Variants in GRXCR1 observed in about 807,000 individuals in gnomAD.
GRXCR1 encodes the protein glutaredoxin and cysteine rich domain containing 1.
Under a neutral mutation model 27.3 loss-of-function variants are expected in GRXCR1, and 27 were observed. The observed-to-expected ratio is 0.99, with a 90% CI of 0.73 to 1.37. The LOEUF is 1.37. Ranked by LOEUF, GRXCR1 falls within the 40% of genes most tolerant of loss-of-function variation. GRXCR1 has a pLI of 0.00. For synonymous variants in GRXCR1, 122 were observed against 131.1 expected (o/e 0.93, Z 0.47); for missense variants, 379 against 354.4 (o/e 1.07, Z -0.56).
chr4:42,931,900 C>A (rs189884142), intron 1 of GRXCR1, among the ~76,000 whole-genome samples: 1 of 151,882 alleles, frequency 6.6e-6, no homozygotes, highest in Non-Finnish European at 1.5e-5. Context: ...CACATGGCTG[C>A]GGAGGCCTCA....
intron 1 of GRXCR1, among the ~76,000 whole-genome samples, chr4:42,906,220 G>T (rs1424347524): frequency 4.6e-5 from 7 of 152,204 alleles, no homozygotes; most frequent in Middle Eastern, 3.4e-3. Flanking sequence ...TGTTAGTATA[G>T]TATTTATCTA....
At chr4:42,894,606 A>T (rs1323320422) in intron 1 of GRXCR1, among the ~76,000 whole-genome samples, 1 of 152,132 alleles carries the variant, frequency 6.6e-6, no homozygotes, top group Non-Finnish European at 1.5e-5. Context: ...GTACTTAAAT[A>T]TTTTTTATTT....
intron 2 of GRXCR1, among the ~76,000 whole-genome samples, chr4:43,016,624 G>T (rs78026787): frequency 1.2e-5 from 1 of 85,086 alleles, no homozygotes; most frequent in Admixed American, 1.4e-4. Flanking sequence ...ACGGGAAGCA[G>T]TTGTGTGTTT....
At chr4:42,910,997 C>A (rs1198313691) in intron 1 of GRXCR1, among the ~76,000 whole-genome samples, 1 of 152,104 alleles carries the variant, frequency 6.6e-6, no homozygotes, top group African/African-American at 2.4e-5. Flanking sequence ...CATATTATAG[C>A]TCTACAAAAG....
At chr4:43,004,169 T>A (rs576722889) in intron 2 of GRXCR1, among the ~76,000 whole-genome samples, 1 of 152,358 alleles carries the variant, frequency 6.6e-6, no homozygotes, top group South Asian at 2.1e-4. Context: ...CAACCATTGC[T>A]TCAGAGGTTT....
At chr4:43,018,873 T>C (rs1713011901) in intron 2 of GRXCR1, among the ~76,000 whole-genome samples, 2 of 152,178 alleles carry the variant, frequency 1.3e-5, no homozygotes, top group Non-Finnish European at 2.9e-5. Context: ...ACTTTAGAGG[T>C]TTCACGTCTG....
In GRXCR1 at chr4:43,027,569, G is replaced by T. The variant is rs557141840; in HGVS notation, c.694-2792G>T. On this transcript the variant is annotated intron_variant, in intron 3 of 3. Transcript: ENST00000399770. The stretch of plus-strand genomic sequence containing the variant: ...TTGAATTTTGTGTGCTCAGAGCCTG[G>T]TGTCTGAAGTGCCACACATAGACAA... Among the ~76,000 whole-genome samples, 5 of 152,278 alleles carry T rather than the reference G, an allele frequency of 3.3e-5. No homozygotes were observed. The East Asian group carries it at 9.6e-4, about 29-fold the overall frequency.
intron 2 of GRXCR1, among the ~76,000 whole-genome samples, chr4:42,995,729 T>G (rs1313852112): frequency 6.6e-6 from 1 of 152,220 alleles, no homozygotes; most frequent in East Asian, 1.9e-4. Flanking sequence ...AATCAGGCAA[T>G]GATATTTTAA....
intron 2 of GRXCR1, among the ~76,000 whole-genome samples, chr4:42,983,638 A>G (rs1201948155): frequency 1.3e-5 from 2 of 152,020 alleles, no homozygotes; most frequent in Non-Finnish European, 2.9e-5. Context: ...TCTGTAAATT[A>G]CCTTGGGCAG....
At chr4:42,963,961 G>A (rs1030764907) in intron 2 of GRXCR1, among the ~76,000 whole-genome samples, 1 of 151,908 alleles carries the variant, frequency 6.6e-6, no homozygotes, top group Non-Finnish European at 1.5e-5. Context: ...TTTTTCAGAG[G>A]AGGTTATAAA....
At chr4:42,922,856 C>T (rs927470399) in intron 1 of GRXCR1, among the ~76,000 whole-genome samples, 5 of 152,052 alleles carry the variant, frequency 3.3e-5, no homozygotes, top group African/African-American at 1.2e-4. Context: ...AGCAAGATGC[C>T]TCTGTGGTAC....
chr4:43,015,683 T>C (rs1277992800), intron 2 of GRXCR1, among the ~76,000 whole-genome samples: 2 of 151,888 alleles, frequency 1.3e-5, no homozygotes, highest in Non-Finnish European at 2.9e-5. Context: ...ATTTCTATTT[T>C]ATTATACTAT....
intron 1 of GRXCR1, among the ~76,000 whole-genome samples, chr4:42,924,791 C>A (rs1577907570): frequency 6.6e-6 from 1 of 151,952 alleles, no homozygotes; most frequent in Non-Finnish European, 1.5e-5. Flanking sequence ...CTGAAGCAAA[C>A]TTCCAAAAGG....
intron 1 of GRXCR1, among the ~76,000 whole-genome samples, chr4:42,936,924 G>A (rs1351375114): frequency 1.3e-5 from 2 of 151,806 alleles, no homozygotes; most frequent in Non-Finnish European, 2.9e-5. Context: ...CCCTGGATGA[G>A]GTGCTGATTG....
intron 2 of GRXCR1, among the ~76,000 whole-genome samples, chr4:43,005,053 G>A (rs1293693103): frequency 6.6e-6 from 1 of 152,142 alleles, no homozygotes; most frequent in Non-Finnish European, 1.5e-5. Flanking sequence ...GAGGCAATTG[G>A]ATCATGGGGG....
chr4:42,931,398 C>T (rs917777111), intron 1 of GRXCR1, among the ~76,000 whole-genome samples: 4 of 151,896 alleles, frequency 2.6e-5, no homozygotes, highest in African/African-American at 9.7e-5. Context: ...TTGTTTGCCA[C>T]CTGCCATTAG....
At chr4:42,953,742 T>G (rs1204642136) in intron 1 of GRXCR1, among the ~76,000 whole-genome samples, 1 of 152,130 alleles carries the variant, frequency 6.6e-6, no homozygotes, top group Non-Finnish European at 1.5e-5. Context: ...GACTGTGGAT[T>G]TGGATTTTTT....
At chr4:42,987,601 G>T (rs1431910504) in intron 2 of GRXCR1, among the ~76,000 whole-genome samples, 2 of 152,010 alleles carry the variant, frequency 1.3e-5, no homozygotes, top group Non-Finnish European at 2.9e-5. Context: ...AAGAAGTGGT[G>T]AAAATGTACC....
intron 1 of GRXCR1, among the ~76,000 whole-genome samples, chr4:42,924,599 C>T (rs568643372): frequency 1.3e-5 from 2 of 152,008 alleles, no homozygotes; most frequent in African/African-American, 4.8e-5. Context: ...CTTTACTTAA[C>T]AAAAATGTTT....
Sources: allele counts gnomAD v4.1 joint callset (sites outside exome capture counted in the v4.1 genomes callset), GRCh38; gene constraint gnomAD v4.1.1; transcripts MANE v1.5; gene names NCBI Gene and HGNC (gene_info 2026-07-23, HGNC 2026-07-21).